The following B4GALT1 variants were observed in gnomAD, a reference collection of about 807,000 sequenced individuals.
B4GALT1 encodes N-acetyllactosamine synthase.
Under a neutral mutation model 34.9 loss-of-function variants are expected in B4GALT1, and 16 were observed. That is an observed-to-expected ratio of 0.46 (90% CI 0.31 to 0.70). The LOEUF is 0.70. Ranked by LOEUF, B4GALT1 falls within the 30% of genes least tolerant of loss-of-function variation. The pLI, the probability that B4GALT1 is intolerant of heterozygous loss-of-function variation, is 0.05. For synonymous variants in B4GALT1, 221 were observed against 218.1 expected, an observed-to-expected ratio of 1.01 and a Z score of -0.12; for missense variants, 445 against 530.5, an observed-to-expected ratio of 0.84 and a Z score of 1.58.
At chr9:33,138,159 G>GA (rs1784186629) in intron 1 of B4GALT1, among the ~76,000 whole-genome samples, 1 of 152,222 alleles carries the variant, frequency 6.6e-6, no homozygotes, top group South Asian at 2.1e-4. Context: ...CTGCAGGCTG[G>GA]AAAGTGTCCT....
At chr9:33,150,496 A>T (rs1840500929) in intron 1 of B4GALT1, among the ~76,000 whole-genome samples, 1 of 152,108 alleles carries the variant, frequency 6.6e-6, no homozygotes, top group African/African-American at 2.4e-5. Context: ...AAAAATGTAT[A>T]TATACTGTGT....
At chr9:33,105,191 A>G (rs185415995) in intron 2 of B4GALT1, among the ~76,000 whole-genome samples, 21 of 151,734 alleles carry the variant, frequency 1.4e-4, no homozygotes, top group African/African-American at 2.4e-4. Context: ...CCAGGCTGGA[A>G]TGCAATGGCC....
chr9:33,176,127 C>T, the B4GALT1 span, among the ~76,000 whole-genome samples: 2 of 152,220 alleles, frequency 1.3e-5, no homozygotes, highest in Non-Finnish European at 2.9e-5. Flanking sequence ...GCTCTTATCT[C>T]TACCCTTGGA....
intron 1 of B4GALT1, among the ~76,000 whole-genome samples, chr9:33,143,531 T>A (rs1206920583): frequency 6.6e-6 from 1 of 152,246 alleles, no homozygotes; most frequent in East Asian, 1.9e-4. Flanking sequence ...AGAAGAATCA[T>A]CTGCAGAAGT....
intron 2 of B4GALT1, among the ~76,000 whole-genome samples, chr9:33,126,145 T>C (rs1399396706): frequency 6.6e-6 from 1 of 152,186 alleles, no homozygotes; most frequent in East Asian, 1.9e-4. Context: ...CTGCAGCCAG[T>C]GGCAATGTTT....
intron 1 of B4GALT1, among the ~76,000 whole-genome samples, chr9:33,140,386 G>A (rs886760339): frequency 1.3e-5 from 2 of 152,154 alleles, no homozygotes; most frequent in Non-Finnish European, 2.9e-5. Flanking sequence ...GTATAGGAAT[G>A]CCCTTTCTTC....
intron 1 of B4GALT1, among the ~76,000 whole-genome samples, chr9:33,156,745 A>C (rs759659680): frequency 5.9e-5 from 9 of 152,220 alleles, no homozygotes; most frequent in Admixed American, 5.9e-4. Flanking sequence ...CCAACAGAAT[A>C]TAAGTTTCTA....
At chr9:33,143,428 C>T (rs529347757) in intron 1 of B4GALT1, among the ~76,000 whole-genome samples, 3 of 152,382 alleles carry the variant, frequency 2.0e-5, no homozygotes, top group Admixed American at 1.3e-4. Context: ...TCATTAAAGT[C>T]CCACTCAACC....
the B4GALT1 span, chr9:33,179,901 T>C: frequency 6.6e-6 from 1 of 152,296 alleles, no homozygotes; most frequent in South Asian, 2.1e-4. Context: ...GCATCTGCAT[T>C]AAGCTAAAAT....
rs539161597 is a variant in B4GALT1 at position 33,118,260 on chromosome 9, T to A, written c.837-2147A>T. 8.6e-4 allele frequency among the ~76,000 whole-genome samples: 131 copies of A among 152,330 alleles called. 2 individuals carry two copies. In the South Asian group the frequency reaches 0.019, roughly 22 times the overall value. On this transcript the variant is annotated intron_variant, in intron 3 of 5. Coordinates refer to ENST00000379731, the MANE Select transcript of B4GALT1 (RefSeq NM_001497.4). ...TAAGACAAGAAGTTAGGATTTTTGA[T>A]CTGGGAGAAGGACTTCATACATTCC...
upstream of B4GALT1, among the ~76,000 whole-genome samples, chr9:33,170,526 A>C (rs1030654916): frequency 6.6e-6 from 1 of 152,136 alleles, no homozygotes; most frequent in African/African-American, 2.4e-5. Flanking sequence ...ATTGGTATAG[A>C]TGATAGCCAG....
At chr9:33,131,906 C>A (rs1840198467) in intron 2 of B4GALT1, among the ~76,000 whole-genome samples, 1 of 151,926 alleles carries the variant, frequency 6.6e-6, no homozygotes, top group African/African-American at 2.4e-5. Context: ...AGGTAATATT[C>A]TTTACTGGAA....
At chr9:33,127,259 A>G (rs932411057) in intron 2 of B4GALT1, among the ~76,000 whole-genome samples, 3 of 152,176 alleles carry the variant, frequency 2.0e-5, no homozygotes, top group South Asian at 2.1e-4. Flanking sequence ...CACCACGCCC[A>G]GCCAGAGGAG....
At chr9:33,136,799 G>A (rs1349201387) in intron 1 of B4GALT1, among the ~76,000 whole-genome samples, 1 of 152,226 alleles carries the variant, frequency 6.6e-6, no homozygotes, top group Non-Finnish European at 1.5e-5. Flanking sequence ...CACAAGCACA[G>A]ATCAAAACCT....
In B4GALT1 at chr9:33,150,067, T is replaced by A. The variant is rs959877126; in HGVS notation, c.413-14643A>T. On this transcript the variant is annotated intron_variant, in intron 1 of 5. Coordinates refer to ENST00000379731, the MANE Select transcript of B4GALT1 (RefSeq NM_001497.4). ...AATTATACTATGTTTATATATATAT[T>A]TTTAAATCACCTTGTTGTTAGGAAA... Among the ~76,000 whole-genome samples the A allele has an allele frequency of 2.6e-5, 4 of 152,136 alleles. No homozygotes were observed. In the South Asian group the frequency reaches 8.3e-4, roughly 32 times the overall value.
At chr9:33,140,869 G>C in intron 1 of B4GALT1, among the ~76,000 whole-genome samples, 1 of 152,238 alleles carries the variant, frequency 6.6e-6, no homozygotes, top group East Asian at 1.9e-4. Context: ...GTGAAATCAC[G>C]GTGCCCCTTG....
At chr9:33,168,618 A>G (rs551693920), upstream of B4GALT1, among the ~76,000 whole-genome samples, 32 of 152,298 alleles carry the variant, frequency 2.1e-4, no homozygotes, top group African/African-American at 7.0e-4. Context: ...GACTTCCTGG[A>G]CACCAGGTCC....
At chr9:33,140,791 C>G (rs4878525) in intron 1 of B4GALT1, among the ~76,000 whole-genome samples, 63,724 of 152,196 alleles carry the variant, frequency 0.42, 15,353 homozygotes, top group Admixed American at 0.56. Context: ...CAGGTGCGCA[C>G]CGCAAGCTGA....
chr9:33,171,301 G>A (rs1465371318), upstream of B4GALT1, among the ~76,000 whole-genome samples: 3 of 152,206 alleles, frequency 2.0e-5, no homozygotes, highest in Non-Finnish European at 4.4e-5. Flanking sequence ...CTGTCTGGGG[G>A]CTGGAAACTC....
Sources: gnomAD v4.1 joint callset for allele counts (sites outside exome capture counted in the v4.1 genomes callset) on GRCh38, gnomAD v4.1.1 for gene constraint, MANE v1.5 for transcripts, NCBI Gene and HGNC (gene_info 2026-07-23, HGNC 2026-07-21) for gene names.